RBFOX1: variants seen among roughly 807,000 people sequenced by gnomAD.
RBFOX1 encodes the protein RNA binding protein fox-1 homolog 1.
Under a neutral mutation model 57.7 loss-of-function variants are expected in RBFOX1, and 8 were observed. The observed-to-expected ratio is 0.14, with a 90% CI of 0.08 to 0.25. RBFOX1 has a LOEUF of 0.25. Among genes scored for constraint, RBFOX1 ranks in the 10% least tolerant of loss-of-function variants. The pLI, the probability that RBFOX1 is intolerant of heterozygous loss-of-function variation, is 1.00. For missense variants in RBFOX1, 611 were observed against 548.5 expected, an observed-to-expected ratio of 1.11 and a Z score of -1.14; for synonymous variants, 326 against 222.4, an observed-to-expected ratio of 1.47 and a Z score of -4.15.
In RBFOX1 at chr16:6,049,956, G is replaced by GT. The variant is rs3048284; in HGVS notation, c.-127+29979dup. On this transcript the variant is annotated intron_variant, in intron 1 of 15. Transcript: ENST00000550418. ...ACTCTGTTAAAAAAAAGCTTAAAAC[G>GT]TTTTTTTTTTTTTTTGAGAGTGGAA... Among the ~76,000 whole-genome samples, 1,211 of 135,126 alleles carry GT rather than the reference G, an allele frequency of 9.0e-3. 23 individuals are homozygous for GT. Among genetic ancestry groups the GT allele is most frequent in the African/African-American group, 0.018 (648 of 36,188 alleles). 88.6% of individuals were successfully genotyped at this position (135,126 alleles called of 152,430 possible). A position where few individuals can be genotyped will look rare whatever the true frequency, so the allele number is the denominator to read the frequency against.
At chr16:5,353,040 A>G (rs1260675312) in intron 1 of RBFOX1, among the ~76,000 whole-genome samples, 1 of 152,212 alleles carries the variant, frequency 6.6e-6, no homozygotes, top group Non-Finnish European at 1.5e-5. Flanking sequence ...TCCAGTGTTG[A>G]GAGATGAAAC....
chr16:5,658,429 A>T (rs558037962), intron 3 of RBFOX1, among the ~76,000 whole-genome samples: 1 of 152,278 alleles, frequency 6.6e-6, no homozygotes, highest in East Asian at 1.9e-4. Context: ...TTTGATCATC[A>T]GATTGGGACA....
At chr16:5,705,158 C>G (rs1263582676) in intron 3 of RBFOX1, among the ~76,000 whole-genome samples, 6 of 152,200 alleles carry the variant, frequency 3.9e-5, no homozygotes, top group Non-Finnish European at 8.8e-5. Flanking sequence ...AACCTTTGAT[C>G]TTTGTCCTTG....
At chr16:6,113,119 C>T (rs531730506) in intron 1 of RBFOX1, among the ~76,000 whole-genome samples, 9 of 152,214 alleles carry the variant, frequency 5.9e-5, no homozygotes, top group South Asian at 2.1e-4. Context: ...GTGGCTAGTC[C>T]GGACTGGATT....
chr16:6,214,570 G>A (rs1298376945), intron 1 of RBFOX1, among the ~76,000 whole-genome samples: 30 of 120,496 alleles, frequency 2.5e-4, no homozygotes, highest in African/African-American at 9.2e-4. Flanking sequence ...GAGGGAGGGG[G>A]GAGAGGCAAA....
chr16:6,598,977 G>A (rs1403069532), intron 2 of RBFOX1, among the ~76,000 whole-genome samples: 2 of 151,984 alleles, frequency 1.3e-5, no homozygotes, highest in African/African-American at 2.4e-5. Flanking sequence ...AAACTCCTCT[G>A]TTTCCCATCC....
chr16:7,667,539 C>G (rs1031740240), intron 13 of RBFOX1, among the ~76,000 whole-genome samples: 7 of 152,160 alleles, frequency 4.6e-5, no homozygotes, highest in Admixed American at 4.6e-4. Context: ...GTCATGTGAG[C>G]TTCTACTTTA....
intron 2 of RBFOX1, among the ~76,000 whole-genome samples, chr16:6,328,250 T>C (rs776688994): frequency 2.0e-5 from 3 of 151,990 alleles, no homozygotes; most frequent in Non-Finnish European, 4.4e-5. Flanking sequence ...GGCATAAGAA[T>C]GATGCAAGGA....
At chr16:5,664,612 T>G (rs1363214310) in intron 3 of RBFOX1, among the ~76,000 whole-genome samples, 1 of 152,156 alleles carries the variant, frequency 6.6e-6, no homozygotes, top group African/African-American at 2.4e-5. Context: ...TAATCTGATA[T>G]GCAGCAAACT....
chr16:5,465,542 C>G (rs1398722542), intron 1 of RBFOX1, among the ~76,000 whole-genome samples: 1 of 152,158 alleles, frequency 6.6e-6, no homozygotes, highest in Non-Finnish European at 1.5e-5. Context: ...AGCATCTACT[C>G]TGTGGATTAC....
At chr16:5,288,657 G>T (rs1596403643) in intron 1 of RBFOX1, among the ~76,000 whole-genome samples, 1 of 148,952 alleles carries the variant, frequency 6.7e-6, no homozygotes, top group African/African-American at 2.5e-5. Flanking sequence ...TAAAAGAGTT[G>T]ACAATTTTAT....
chr16:6,012,492 C>T (rs563349467), intron 4 of RBFOX1, among the ~76,000 whole-genome samples: 3 of 152,292 alleles, frequency 2.0e-5, no homozygotes, highest in Admixed American at 2.0e-4. Flanking sequence ...TGGGTAGAAG[C>T]CAAGAATACT....
At chr16:7,294,352 A>C (rs1299405508) in intron 4 of RBFOX1, among the ~76,000 whole-genome samples, 4 of 152,100 alleles carry the variant, frequency 2.6e-5, no homozygotes, top group Non-Finnish European at 5.9e-5. Flanking sequence ...TGTTTCAGGA[A>C]GGCTGCTATA....
intron 1 of RBFOX1, among the ~76,000 whole-genome samples, chr16:6,218,975 G>C (rs1354898496): frequency 6.6e-6 from 1 of 152,134 alleles, no homozygotes; most frequent in Non-Finnish European, 1.5e-5. Context: ...ATAGTCAGTA[G>C]CACGTATGTC....
At chr16:6,719,951 G>A (rs1011559606) in intron 3 of RBFOX1, among the ~76,000 whole-genome samples, 4 of 151,928 alleles carry the variant, frequency 2.6e-5, no homozygotes, top group East Asian at 2.0e-4. Context: ...GAAATTAGCC[G>A]GGGGTGATGG....
At chr16:6,842,985 T>G (rs2093567359) in intron 3 of RBFOX1, among the ~76,000 whole-genome samples, 1 of 152,170 alleles carries the variant, frequency 6.6e-6, no homozygotes, top group Non-Finnish European at 1.5e-5. Flanking sequence ...TCCATGTCCT[T>G]GCAAAGGATA....
chr16:7,537,098 T>G (rs1221927646), intron 5 of RBFOX1, among the ~76,000 whole-genome samples: 1 of 152,104 alleles, frequency 6.6e-6, no homozygotes, highest in African/African-American at 2.4e-5. Flanking sequence ...CATCATTAGG[T>G]TTGATTTTGG....
At chr16:5,567,224 A>T (rs978916470) in intron 2 of RBFOX1, among the ~76,000 whole-genome samples, 3 of 152,212 alleles carry the variant, frequency 2.0e-5, no homozygotes, top group African/African-American at 7.2e-5. Flanking sequence ...CCTTGCAGAC[A>T]TGTGGGACGT....
intron 4 of RBFOX1, among the ~76,000 whole-genome samples, chr16:7,407,581 T>C (rs1320305819): frequency 2.0e-5 from 3 of 152,214 alleles, no homozygotes; most frequent in Non-Finnish European, 2.9e-5. Flanking sequence ...TTAGTTTTTG[T>C]AGGGAAGGTA....
Sources: gnomAD v4.1 joint callset for allele counts (sites outside exome capture counted in the v4.1 genomes callset) on GRCh38, gnomAD v4.1.1 for gene constraint, MANE v1.5 for transcripts, NCBI Gene and HGNC (gene_info 2026-07-23, HGNC 2026-07-21) for gene names.